Variants in FAT1 observed in about 807,000 individuals in gnomAD.
FAT1 encodes the protein FAT atypical cadherin 1, also known as protocadherin Fat 1.
In FAT1, 171 loss-of-function variants were observed where a neutral mutation model predicts 329.8. The ratio of observed to expected loss-of-function variants is 0.52; its 90% CI spans 0.46 to 0.59. FAT1 has a LOEUF of 0.59. FAT1 is among the 20% of genes least tolerant of loss of function. FAT1 has a pLI of 0.00. For synonymous variants in FAT1, 2,233 were observed against 2,228.6 expected (o/e 1.00, Z -0.06); for missense variants, 5,672 against 5,774.4 (o/e 0.98, Z 0.57).
At chr4:186,678,298 G>A (rs1305217064) in intron 2 of FAT1, among the ~76,000 whole-genome samples, 1 of 151,846 alleles carries the variant, frequency 6.6e-6, no homozygotes, top group Non-Finnish European at 1.5e-5. Flanking sequence ...ATACGTATCG[G>A]AGAAGATAAA....
intron 1 of FAT1, among the ~76,000 whole-genome samples, chr4:186,717,104 T>C (rs1194302842): frequency 6.6e-6 from 1 of 152,200 alleles, no homozygotes; most frequent in African/African-American, 2.4e-5. Context: ...TTAAAAAGAA[T>C]GTTGAATGAT....
In FAT1 at chr4:186,613,142, G is replaced by A. The variant is rs752069904; in HGVS notation, c.9430C>T (p.Leu3144=). 1.9e-6 allele frequency: 3 copies of A among 1,612,842 alleles called. No homozygotes were observed. The highest frequency in any genetic ancestry group is 2.5e-6 in the Non-Finnish European group (3 of 1,179,794). ...VFENTEPGTL[L]TRVQATDADA... ...GCATCTGTGGCCTGCACTCTTGTCA[G>A]CAGCGTTCCCGGCTCTGTGTTTTCA... Residue 3144 remains leucine, a synonymous_variant, in exon 13 of 27, where the codon CTG becomes TTG. Coordinates refer to ENST00000441802, the MANE Select transcript of FAT1 (RefSeq NM_005245.4).
At chr4:186,664,292 G>A (rs576318504) in intron 2 of FAT1, among the ~76,000 whole-genome samples, 176 of 152,104 alleles carry the variant, frequency 1.2e-3, no homozygotes, top group African/African-American at 3.8e-3. Context: ...TCTTTCAATC[G>A]CCTCAAACAA....
intron 1 of FAT1, among the ~76,000 whole-genome samples, chr4:186,721,666 T>C (rs1745474558): frequency 6.6e-6 from 1 of 152,154 alleles, no homozygotes; most frequent in African/African-American, 2.4e-5. Flanking sequence ...TCAGCCAAAC[T>C]TGGGTGGAAA....
At chr4:186,695,661 ACAGAGTCCAGTTTCAGCCTTATAT>A (rs1227534885) in intron 2 of FAT1, among the ~76,000 whole-genome samples, 1 of 152,112 alleles carries the variant, frequency 6.6e-6, no homozygotes, top group Non-Finnish European at 1.5e-5. Flanking sequence ...ACAGACACGG[ACAGAGTCCAGTTTCAGCCTTATAT>A]TCTGGTGGAA....
chr4:186,680,138 T>C (rs183232973), intron 2 of FAT1, among the ~76,000 whole-genome samples: 5 of 152,278 alleles, frequency 3.3e-5, no homozygotes, highest in East Asian at 1.9e-4. Flanking sequence ...CTGAAGACAT[T>C]TGACAGATGC....
intron 3 of FAT1, among the ~76,000 whole-genome samples, chr4:186,651,530 C>T (rs181598381): frequency 2.0e-5 from 3 of 152,254 alleles, no homozygotes; most frequent in East Asian, 3.9e-4. Context: ...ATGAGTATCA[C>T]GCCTGGTTCT....
chr4:186,660,649 G>A (rs1020620955), intron 3 of FAT1, among the ~76,000 whole-genome samples: 1 of 152,218 alleles, frequency 6.6e-6, no homozygotes, highest in African/African-American at 2.4e-5. Flanking sequence ...TGGACACCTG[G>A]AGAGGGTTTA....
Position 186,618,332 on chromosome 4 carries a change from C to A in FAT1, c.8254G>T (p.Val2752Leu), listed in dbSNP as rs1739827510. 1.2e-6 allele frequency: 2 copies of A among 1,614,060 alleles called. No individual in the cohort carries two copies. Among genetic ancestry groups the A allele is most frequent in the South Asian group, 2.2e-5 (2 of 91,084 alleles). ...TPESNRDESFVIDRQSGRLKL... is the reference protein window; with the variant it reads ...TPESNRDESFLIDRQSGRLKL... ...AGTCTCCCGCTCTGTCTGTCAATCA[C>A]AAAGGACTCATCCCTATTGCTTTCT... Residue 2752 changes from valine (V) to leucine (L), a missense_variant, in exon 10 of 27, where the codon GTG (valine) becomes TTG (leucine). This residue lies in a region of FAT1 where 3,966 missense variants were observed against 3,915.2 expected (regional missense o/e 1.01). Transcript: ENST00000441802.
At chr4:186,682,922 G>C (rs1434581491) in intron 2 of FAT1, among the ~76,000 whole-genome samples, 2 of 152,162 alleles carry the variant, frequency 1.3e-5, no homozygotes, top group Non-Finnish European at 2.9e-5. Flanking sequence ...GGAAGAGTGT[G>C]TGCCACAAAA....
chr4:186,660,089 G>C (rs1253400872), intron 3 of FAT1, among the ~76,000 whole-genome samples: 1 of 152,202 alleles, frequency 6.6e-6, no homozygotes, highest in Non-Finnish European at 1.5e-5. Context: ...TTCCAGCCCA[G>C]TGATTTCCTT....
chr4:186,695,831 C>T (rs1744006451), intron 2 of FAT1, among the ~76,000 whole-genome samples: 1 of 151,364 alleles, frequency 6.6e-6, no homozygotes, highest in Non-Finnish European at 1.5e-5. Flanking sequence ...CACTCTTGTC[C>T]CCCAGGCTGA....
Position 186,598,145 on chromosome 4 carries a change from C to G in FAT1, c.12104-20G>C. ...AATAACCTAAATCGGCAAAAAGGAA[C>G]AAAAAAGTCCTATCACTCAATGACT... On this transcript the variant is annotated intron_variant, in intron 22 of 26. Coordinates refer to ENST00000441802, the MANE Select transcript of FAT1 (RefSeq NM_005245.4). 6.3e-7 allele frequency: 1 copy of G among 1,580,128 alleles called. No individual in the cohort carries two copies. Among genetic ancestry groups the G allele is most frequent in the Non-Finnish European group, 8.6e-7 (1 of 1,167,350 alleles).
At position 186,635,103 on chromosome 4, in the gene FAT1, T is replaced by A. The variant is rs1201338543; in HGVS notation, c.4183+922A>T. 3.3e-5 allele frequency among the ~76,000 whole-genome samples: 5 copies of A among 152,286 alleles called. 1 individual carries two copies. Among genetic ancestry groups the A allele is most frequent in the Middle Eastern group, 6.8e-3 (2 of 294 alleles). On this transcript the variant is annotated intron_variant, in intron 6 of 26. Coordinates refer to ENST00000441802, the MANE Select transcript of FAT1 (RefSeq NM_005245.4). ...CAAATTGGTAAAACAGCCAAAGCAT[T>A]TAGCATGAAAGTTCCAAAGGTAAGG...
intron 1 of FAT1, among the ~76,000 whole-genome samples, chr4:186,719,796 G>A (rs977534301): frequency 6.6e-6 from 1 of 152,162 alleles, no homozygotes; most frequent in Non-Finnish European, 1.5e-5. Context: ...TTCTCAAAAT[G>A]GTTCCCTTTG....
intron 3 of FAT1, among the ~76,000 whole-genome samples, chr4:186,660,030 G>A (rs563337217): frequency 1.3e-4 from 20 of 152,238 alleles, no homozygotes; most frequent in South Asian, 4.2e-4. Context: ...AAGTCAGTTC[G>A]CCCCAAGATC....
chr4:186,677,146 C>G (rs977374013), intron 2 of FAT1, among the ~76,000 whole-genome samples: 1 of 152,168 alleles, frequency 6.6e-6, no homozygotes, highest in Non-Finnish European at 1.5e-5. Context: ...TAATTCAAAT[C>G]TTTAAACTTT....
Position 186,603,349 on chromosome 4 carries a change from A to T in FAT1, c.11177T>A (p.Ile3726Asn), listed in dbSNP as rs188435449. ...GAATACATTCAGTATCCTAACTCCA[A>T]TGATTTCCTCAATGTCAGTCACGGA... ...NSSVTDIEEI[I>N]GVRILNVFQK... is the part of the protein sequence containing the mutation. The change falls in exon 19 of 27, where the codon ATT becomes AAT. Residue 3726 changes from isoleucine (I) to asparagine (N), a missense_variant. This residue lies in a region of FAT1 where 1,706 missense variants were observed against 1,859.1 expected (regional missense o/e 0.92). Transcript: ENST00000441802. The T allele has an allele frequency of 1.8e-4, 294 of 1,614,000 alleles. 1 individual carries two copies. In the East Asian group the frequency reaches 6.0e-3, roughly 33 times the overall value.
intron 2 of FAT1, among the ~76,000 whole-genome samples, chr4:186,699,313 T>G (rs1424333768): frequency 6.6e-6 from 1 of 152,116 alleles, no homozygotes; most frequent in Non-Finnish European, 1.5e-5. Flanking sequence ...AAAGACTGTA[T>G]TAGTAGACTC....
Sources: gnomAD v4.1 joint callset for allele counts (sites outside exome capture counted in the v4.1 genomes callset) on GRCh38, gnomAD v4.1.1 for gene constraint, gnomAD v4.1.1 regional missense constraint, MANE v1.5 for transcripts, NCBI Gene and HGNC (gene_info 2026-07-23, HGNC 2026-07-21) for gene names.